Variants in MYOM2 observed in about 807,000 individuals in gnomAD.
MYOM2 encodes myomesin 2.
MYOM2 carries 254 observed loss-of-function variants against 187.6 expected under a neutral mutation model. The ratio of observed to expected loss-of-function variants is 1.35; its 90% CI spans 1.22 to 1.50. The LOEUF (loss-of-function observed/expected upper bound fraction) is 1.50. Among genes scored for constraint, MYOM2 ranks in the 40% most tolerant of loss-of-function variants. The pLI, the probability that MYOM2 is intolerant of heterozygous loss-of-function variation, is 0.00. For synonymous variants in MYOM2, 981 were observed against 753.8 expected (o/e 1.30, Z -4.94); for missense variants, 2,796 against 1,924.0 (o/e 1.45, Z -8.48).
intron 31 of MYOM2, among the ~76,000 whole-genome samples, chr8:2,128,633 T>TG (rs1797739967): frequency 6.6e-6 from 1 of 152,198 alleles, no homozygotes; most frequent in African/African-American, 2.4e-5. Context: ...TTATTGCCCC[T>TG]GGGGTTTCTT....
chr8:2,057,927 T>G lies in MYOM2; in HGVS notation c.560+147T>G. 8 of 788,774 alleles carry G rather than the reference T, an allele frequency of 1.0e-5. 1 individual carries two copies. The South Asian group carries it at 1.9e-4, about 19-fold the overall frequency. The allele number at this position is 788,774 out of a possible 1,614,324, so 48.9% of individuals were successfully genotyped here. On this transcript the variant is annotated intron_variant, in intron 5 of 36. Transcript: ENST00000262113. The stretch of plus-strand genomic sequence containing the variant: ...AGCAGAAATATGTTTATAGAAGCTC[T>G]GAACGTTCACTTTAACTCATATGCA...
intron 28 of MYOM2, among the ~76,000 whole-genome samples, chr8:2,120,706 T>TATA (rs1797421857): frequency 1.4e-5 from 1 of 69,078 alleles, no homozygotes; most frequent in Non-Finnish European, 3.0e-5. Context: ...AATATATATA[T>TATA]TTTAATTGCC....
chr8:2,110,497 G>C (rs901363493), intron 25 of MYOM2, among the ~76,000 whole-genome samples: 2 of 152,174 alleles, frequency 1.3e-5, no homozygotes, highest in African/African-American at 4.8e-5. Flanking sequence ...TCTAATTATA[G>C]CGTGCCTGGG....
Position 2,145,247 on chromosome 8 carries a change from AAC to A in MYOM2, c.*271_*272del, listed in dbSNP as rs1378474660. 1 of 559,610 alleles carries A rather than the reference AAC, an allele frequency of 1.8e-6. No individual in the cohort carries two copies. The highest frequency in any genetic ancestry group is 3.5e-5 in the Admixed American group (1 of 28,374). 34.7% of individuals were successfully genotyped at this position (559,610 alleles called of 1,614,324 possible). ...CCTGACAGAGAGTGGGTTGGCAGAC[AAC>A]ACACTAGAATTTTCACGGGTGTGGG... On this transcript the variant is annotated 3_prime_UTR_variant, in exon 37 of 37. Coordinates refer to ENST00000262113, the MANE Select transcript of MYOM2 (RefSeq NM_003970.4).
chr8:2,140,396 T>TGG lies in MYOM2; in HGVS notation c.3801-327_3801-326insGG, dbSNP rs1477048636. Among the ~76,000 whole-genome samples the TGG allele has an allele frequency of 3.3e-5, 5 of 151,706 alleles. No homozygotes were observed. In the East Asian group the frequency reaches 5.9e-4, roughly 18 times the overall value. Reference sequence around the variant, plus strand: ...GTCCAATTCTTCGGATCTACACAAGTAATTGCTGGATCATGTAGTAGTTCT... The same window carrying TGG: ...GTCCAATTCTTCGGATCTACACAAGTGGAATTGCTGGATCATGTAGTAGTTCT... On this transcript the variant is annotated intron_variant, in intron 32 of 36. Transcript: ENST00000262113.
At position 2,086,708 on chromosome 8, in the gene MYOM2, G is replaced by A. The variant is rs111307914; in HGVS notation, c.1644+1318G>A. 3.2e-3 allele frequency among the ~76,000 whole-genome samples: 483 copies of A among 152,368 alleles called. 2 individuals are homozygous for A. The highest frequency in any genetic ancestry group is 4.6e-3 in the Non-Finnish European group (310 of 68,042). The stretch of plus-strand genomic sequence containing the variant: ...TGCCCCTCGGTGTGAGCAGGGAGTC[G>A]CTTCCCTCTCTGGGCGCCCGCGTTC... On this transcript the variant is annotated intron_variant, in intron 14 of 36. Transcript: ENST00000262113.
chr8:2,071,882 C>T (rs947642206), intron 8 of MYOM2, among the ~76,000 whole-genome samples: 1 of 152,148 alleles, frequency 6.6e-6, no homozygotes, highest in African/African-American at 2.4e-5. Context: ...GCCTCTTCCT[C>T]CTCTTCCAAG....
At chr8:2,061,366 G>A (rs555919310) in intron 6 of MYOM2, among the ~76,000 whole-genome samples, 6 of 152,234 alleles carry the variant, frequency 3.9e-5, no homozygotes, top group South Asian at 2.1e-4. Flanking sequence ...CTTTGTCCCC[G>A]TCCAGCCTGG....
In MYOM2 at chr8:2,079,833, T is replaced by G. The variant is rs139798423; in HGVS notation, c.1516+220T>G. Among the ~76,000 whole-genome samples, 145 of 152,296 alleles carry G rather than the reference T, an allele frequency of 9.5e-4. 3 individuals carry two copies. The East Asian group carries it at 0.021, about 22-fold the overall frequency. ...AGAGGGTGGGAGAAAGGGTGAAGGA[T>G]TGGTGACTCTTAGACTCACCTTTCA... On this transcript the variant is annotated intron_variant, in intron 13 of 36. Transcript: ENST00000262113.
chr8:2,057,287 C>T lies in MYOM2; in HGVS notation c.264-61C>T, dbSNP rs530433841. 4.8e-5 allele frequency: 75 copies of T among 1,547,042 alleles called. No individual in the cohort carries two copies. The Admixed American group carries it at 5.6e-4, about 12-fold the overall frequency. ...GAATGGGCATGCCCTTTCCGGCCTTCGGGGGCCACGTGGTTTTCTTCGTGA... is the reference window on the plus strand; with the variant it reads ...GAATGGGCATGCCCTTTCCGGCCTTTGGGGGCCACGTGGTTTTCTTCGTGA... On this transcript the variant is annotated intron_variant, in intron 3 of 36. Transcript: ENST00000262113.
intron 5 of MYOM2, 120 bp downstream of exon 5, chr8:2,057,900 T>G (rs1818724468): frequency 2.0e-6 from 2 of 980,322 alleles, no homozygotes; most frequent in Non-Finnish European, 2.9e-6. Context: ...CTTGAAACTC[T>G]AAGCAGAAAT....
chr8:2,069,146 C>A, intron 6 of MYOM2, 132 bp from the exon 7 acceptor site: 1 of 818,830 alleles, frequency 1.2e-6, no homozygotes, highest in Non-Finnish European at 1.9e-6. Context: ...TGGCATTGTT[C>A]TTGCACAAAT....
chr8:2,047,938 A>G lies in MYOM2; in HGVS notation c.-13+2770A>G, dbSNP rs191659063. On this transcript the variant is annotated intron_variant, in intron 1 of 36. Transcript: ENST00000262113. ...CAGGACGTTACAGACTGGTTGAAGG[A>G]TAGCTAGTCTGTGAGCTCTCAAGAC... Among the ~76,000 whole-genome samples the G allele has an allele frequency of 2.2e-3, 337 of 152,348 alleles. 1 individual carries two copies. The highest frequency in any genetic ancestry group is 7.6e-3 in the African/African-American group (317 of 41,572).
chr8:2,072,714 G>T (rs1021311714), intron 9 of MYOM2, among the ~76,000 whole-genome samples: 1 of 152,230 alleles, frequency 6.6e-6, no homozygotes, highest in African/African-American at 2.4e-5. Context: ...GGGAGACCCC[G>T]AACCTAGAGC....
At chr8:2,126,034 AT>A (rs1797623589) in intron 31 of MYOM2, among the ~76,000 whole-genome samples, 1 of 152,144 alleles carries the variant, frequency 6.6e-6, no homozygotes, top group Non-Finnish European at 1.5e-5. Context: ...TCATGAAATT[AT>A]TTTGTGTTAA....
chr8:2,101,477 C>G lies in MYOM2; in HGVS notation c.2619+423C>G, dbSNP rs371820289. The stretch of plus-strand genomic sequence containing the variant: ...TCTCTGCGCAAGCCAGCACCGAGCC[C>G]CGAGGTGAACCTGTTCAGATGACCG... On this transcript the variant is annotated intron_variant, in intron 20 of 36. Transcript: ENST00000262113. Among the ~76,000 whole-genome samples the G allele has an allele frequency of 4.6e-5, 7 of 152,346 alleles. No individual in the cohort carries two copies. The East Asian group carries it at 9.7e-4, about 21-fold the overall frequency.
rs568923144 is a variant in MYOM2, at chr8:2,140,873, C to T, written c.3951C>T (p.Asp1317=). ...DGKDNHQRSL[D]LSGQAFDEAF... ...AAGACAACCATCAACGCTCCCTTGACCTGTCCGGACAAGGTAAGAGAATTC... is the reference window on the plus strand; with the variant it reads ...AAGACAACCATCAACGCTCCCTTGATCTGTCCGGACAAGGTAAGAGAATTC... The change falls in exon 33 of 37, where the codon GAC becomes GAT. Residue 1317 remains aspartate, a synonymous_variant. Transcript: ENST00000262113. 5 of 1,613,404 alleles carry T rather than the reference C, an allele frequency of 3.1e-6. No homozygotes were observed. In the South Asian group the frequency reaches 4.4e-5, roughly 14 times the overall value.
At chr8:2,093,915 C>A in intron 16 of MYOM2, 55 bp from the exon 17 acceptor site, 7 of 1,589,408 alleles carry the variant, frequency 4.4e-6, no homozygotes. Context: ...GCTTCTGCTG[C>A]AGGAGAGAAA....
chr8:2,104,023 G>C (rs1305895369), intron 21 of MYOM2, among the ~76,000 whole-genome samples: 1 of 152,186 alleles, frequency 6.6e-6, no homozygotes, highest in East Asian at 1.9e-4. Context: ...AATGGCCCTG[G>C]ATGAGAAGGA....
Sources: gnomAD v4.1 joint callset for allele counts (sites outside exome capture counted in the v4.1 genomes callset) on GRCh38, gnomAD v4.1.1 for gene constraint, MANE v1.5 for transcripts, NCBI Gene and HGNC (gene_info 2026-07-23, HGNC 2026-07-21) for gene names.